Variants in TMEM132B observed in about 807,000 individuals in gnomAD.
The protein encoded by TMEM132B is transmembrane protein 132B.
Under a neutral mutation model 90.8 loss-of-function variants are expected in TMEM132B, and 18 were observed. The observed-to-expected ratio is 0.20, with a 90% confidence interval of 0.14 to 0.29. The LOEUF (loss-of-function observed/expected upper bound fraction) is 0.29. Ranked by LOEUF, TMEM132B falls within the 10% of genes least tolerant of loss-of-function variation. TMEM132B has a pLI of 1.00. For synonymous variants in TMEM132B, 504 were observed against 523.3 expected (o/e 0.96, Z 0.50); for missense variants, 1,096 against 1,326.8 (o/e 0.83, Z 2.70).
chr12:125,237,199 G>C (rs973124975), intron 1 of TMEM132B, among the ~76,000 whole-genome samples: 3 of 152,182 alleles, frequency 2.0e-5, no homozygotes, highest in African/African-American at 7.2e-5. Flanking sequence ...AGGTGTTCCA[G>C]GTAGGAGGTT....
chr12:125,571,529 A>C (rs916327348), intron 4 of TMEM132B, among the ~76,000 whole-genome samples: 1 of 152,188 alleles, frequency 6.6e-6, no homozygotes, highest in Non-Finnish European at 1.5e-5. Context: ...TGTTTAAGAA[A>C]AATTAGTTGT....
chr12:125,353,591 T>G (rs889516121), intron 2 of TMEM132B, among the ~76,000 whole-genome samples: 1 of 152,242 alleles, frequency 6.6e-6, no homozygotes, highest in Non-Finnish European at 1.5e-5. Flanking sequence ...AACAGACAAC[T>G]GAAAGAGGCA....
intron 1 of TMEM132B, among the ~76,000 whole-genome samples, chr12:125,219,296 A>G (rs577562405): frequency 5.9e-5 from 9 of 152,310 alleles, no homozygotes; most frequent in South Asian, 2.1e-4. Flanking sequence ...GCAGAATTCT[A>G]TTATCTTCCT....
chr12:125,224,168 A>G (rs1424871687), intron 1 of TMEM132B, among the ~76,000 whole-genome samples: 1 of 152,088 alleles, frequency 6.6e-6, no homozygotes, highest in Non-Finnish European at 1.5e-5. Context: ...GATATACCAC[A>G]TTTTTTAATC....
chr12:125,558,963 C>T (rs545046654), intron 4 of TMEM132B, among the ~76,000 whole-genome samples: 14 of 152,296 alleles, frequency 9.2e-5, no homozygotes, highest in African/African-American at 3.4e-4. Context: ...GAAGAAAAAA[C>T]AGGGTGATGT....
At chr12:125,286,916 T>C (rs1477868375) in intron 1 of TMEM132B, among the ~76,000 whole-genome samples, 8 of 152,226 alleles carry the variant, frequency 5.3e-5, no homozygotes, top group Admixed American at 3.9e-4. Flanking sequence ...TTGGCCAGAC[T>C]GGACTCGCAC....
In TMEM132B at chr12:125,650,945, A is replaced by G. The variant is rs763159723; in HGVS notation, c.1906A>G (p.Thr636Ala). ...GGCTGGTCGGGAGCCGGGAATAACCACGGTGCAGGTACACGCCGCCATGCC... is the reference window on the plus strand; with the variant it reads ...GGCTGGTCGGGAGCCGGGAATAACCGCGGTGCAGGTACACGCCGCCATGCC... ...TLAGREPGIT[T>A]VQVLSPLSDS... Residue 636 changes from threonine to alanine, a missense_variant, in exon 7 of 9, where the codon ACG becomes GCG. By Grantham distance (58) the Thr-to-Ala change is moderately conservative (BLOSUM62 0). Coordinates refer to ENST00000682704, the MANE Select transcript of TMEM132B (RefSeq NM_001366854.1). 2 of 1,612,256 alleles carry G rather than the reference A, an allele frequency of 1.2e-6. No individual in the cohort carries two copies. The highest frequency in any genetic ancestry group is 2.2e-5 in the East Asian group (1 of 44,868).
At chr12:125,583,829 A>C (rs369389801) in intron 4 of TMEM132B, 22 bp from the exon 5 acceptor site, 1 of 1,613,074 alleles carries the variant, frequency 6.2e-7, no homozygotes, top group Non-Finnish European at 8.5e-7. Context: ...TGCTGATCTG[A>C]GCCCTCTCCT....
intron 1 of TMEM132B, among the ~76,000 whole-genome samples, chr12:125,210,895 C>T (rs1873303734): frequency 6.6e-6 from 1 of 152,104 alleles, no homozygotes; most frequent in Admixed American, 6.6e-5. Flanking sequence ...CCCAGGAAAT[C>T]AAGGCTGCAG....
chr12:125,384,276 T>G (rs1214329953), intron 2 of TMEM132B, among the ~76,000 whole-genome samples: 1 of 152,236 alleles, frequency 6.6e-6, no homozygotes, highest in African/African-American at 2.4e-5. Flanking sequence ...TCAATATTAT[T>G]TAATGTTATA....
At chr12:125,425,582 C>G (rs1277051220) in intron 3 of TMEM132B, among the ~76,000 whole-genome samples, 1 of 152,184 alleles carries the variant, frequency 6.6e-6, no homozygotes, top group African/African-American at 2.4e-5. Flanking sequence ...CCTAAAACCA[C>G]CCCCTGTGCT....
At chr12:125,582,315 G>A (rs959483486) in intron 4 of TMEM132B, among the ~76,000 whole-genome samples, 1 of 145,642 alleles carries the variant, frequency 6.9e-6, no homozygotes, top group African/African-American at 2.5e-5. Flanking sequence ...ATTATTAAAG[G>A]TTGACTCCAT....
chr12:125,565,192 G>A (rs183684157), intron 4 of TMEM132B, among the ~76,000 whole-genome samples: 14 of 152,304 alleles, frequency 9.2e-5, no homozygotes, highest in African/African-American at 3.1e-4. Context: ...TGCACCTGAG[G>A]CTTTACCCCC....
chr12:125,456,875 A>G (rs12308659), intron 3 of TMEM132B, among the ~76,000 whole-genome samples: 7,829 of 152,204 alleles, frequency 0.051, 276 homozygotes, highest in South Asian at 0.16. Context: ...TATGTTTTCT[A>G]TTTTTTATGA....
At chr12:125,608,926 A>G (rs531932766) in intron 5 of TMEM132B, among the ~76,000 whole-genome samples, 4 of 152,278 alleles carry the variant, frequency 2.6e-5, no homozygotes, top group African/African-American at 9.6e-5. Flanking sequence ...GAGACTGGGT[A>G]ATTTATAAAG....
chr12:125,382,395 G>C (rs954057311), intron 2 of TMEM132B, among the ~76,000 whole-genome samples: 2 of 152,138 alleles, frequency 1.3e-5, no homozygotes, highest in Admixed American at 6.5e-5. Context: ...TTCTGAACAG[G>C]ATGTTTGGTG....
At chr12:125,316,491 AC>A (rs1445251219) in intron 1 of TMEM132B, among the ~76,000 whole-genome samples, 2 of 140,658 alleles carry the variant, frequency 1.4e-5, no homozygotes, top group African/African-American at 5.4e-5. Context: ...TTTATTTTGA[AC>A]CAATTTTAAA....
intron 5 of TMEM132B, chr12:125,586,958 T>C (rs746673770): frequency 6.6e-5 from 10 of 152,190 alleles, no homozygotes; most frequent in African/African-American, 9.6e-5. Context: ...ATCGTAGTTT[T>C]GCTGTCACAT....
chr12:125,348,716 C>T (rs1877451355), intron 1 of TMEM132B, among the ~76,000 whole-genome samples: 1 of 152,168 alleles, frequency 6.6e-6, no homozygotes, highest in Non-Finnish European at 1.5e-5. Context: ...TATGTGAGGA[C>T]ATTTGTGGCA....
Sources: allele counts gnomAD v4.1 joint callset (sites outside exome capture counted in the v4.1 genomes callset), GRCh38; gene constraint gnomAD v4.1.1; transcripts MANE v1.5; gene names NCBI Gene and HGNC (gene_info 2026-07-23, HGNC 2026-07-21).